ESCO1: variants seen among roughly 807,000 people sequenced by gnomAD.
ESCO1 encodes the protein establishment of sister chromatid cohesion N-acetyltransferase 1, also known as N-acetyltransferase ESCO1.
ESCO1 carries 33 observed loss-of-function variants against 83.5 expected under a neutral mutation model. The ratio of observed to expected loss-of-function variants is 0.40; its 90% CI spans 0.30 to 0.53. The LOEUF is 0.53. Ranked by LOEUF, ESCO1 falls within the 20% of genes least tolerant of loss-of-function variation. ESCO1 has a pLI of 0.63. For missense variants in ESCO1, 855 were observed against 968.0 expected (o/e 0.88, Z 1.55); for synonymous variants, 332 against 324.3 (o/e 1.02, Z -0.25).
intron 6 of ESCO1, 97 bp from the exon 7 acceptor site, chr18:21,564,414 G>C (rs748915800): frequency 1.1e-5 from 9 of 827,070 alleles, no homozygotes; most frequent in Non-Finnish European, 1.4e-5. Context: ...TTTTTGAGAC[G>C]AAGTCTCACT....
At chr18:21,532,447 G>T in intron 11 of ESCO1, 26 bp downstream of exon 11, 2 of 1,589,998 alleles carry the variant, frequency 1.3e-6, no homozygotes, top group Non-Finnish European at 1.7e-6. Context: ...TACTAAAAAT[G>T]ATTTGAAGGA....
intron 8 of ESCO1, among the ~76,000 whole-genome samples, chr18:21,559,204 C>T (rs1285586018): frequency 6.6e-6 from 1 of 152,108 alleles, no homozygotes; most frequent in Non-Finnish European, 1.5e-5. Context: ...CAAAGAATGG[C>T]CAACTGCTAA....
intron 7 of ESCO1, among the ~76,000 whole-genome samples, chr18:21,561,441 G>C (rs546853872): frequency 6.6e-6 from 1 of 152,134 alleles, no homozygotes; most frequent in African/African-American, 2.4e-5. Context: ...GTTTGTTTTT[G>C]TTTTGAGACA....
At chr18:21,592,872 G>A (rs575424206) in intron 1 of ESCO1, among the ~76,000 whole-genome samples, 1 of 151,954 alleles carries the variant, frequency 6.6e-6, no homozygotes, top group East Asian at 2.0e-4. Flanking sequence ...TCCCTTCTCA[G>A]ATGGGGCGGC....
At chr18:21,589,221 A>G (rs1036360171) in intron 1 of ESCO1, among the ~76,000 whole-genome samples, 7 of 151,830 alleles carry the variant, frequency 4.6e-5, no homozygotes, top group African/African-American at 1.7e-4. Flanking sequence ...CCTGGGCAAC[A>G]GAGCAAGACT....
chr18:21,595,441 G>A (rs868517916), intron 1 of ESCO1, among the ~76,000 whole-genome samples: 5 of 151,674 alleles, frequency 3.3e-5, no homozygotes, highest in Non-Finnish European at 5.9e-5. Flanking sequence ...AGGCCGAGGC[G>A]GGTGGATCAC....
At chr18:21,571,035 T>G (rs959900757) in intron 4 of ESCO1, among the ~76,000 whole-genome samples, 1 of 152,162 alleles carries the variant, frequency 6.6e-6, no homozygotes, top group Non-Finnish European at 1.5e-5. Flanking sequence ...TTTGTAACTT[T>G]AAAGGATTTT....
intron 8 of ESCO1, among the ~76,000 whole-genome samples, chr18:21,558,304 T>C (rs2038138359): frequency 6.6e-6 from 1 of 152,236 alleles, no homozygotes; most frequent in African/African-American, 2.4e-5. Context: ...TACTGTATTT[T>C]CTACCTTTTA....
chr18:21,600,135 G>A (rs2038821657), intron 1 of ESCO1, among the ~76,000 whole-genome samples: 1 of 152,240 alleles, frequency 6.6e-6, no homozygotes, highest in Non-Finnish European at 1.5e-5. Flanking sequence ...CCGGGTCAGC[G>A]GGTTGCGCCA....
chr18:21,572,277 G>T (rs1230486630), intron 4 of ESCO1, among the ~76,000 whole-genome samples: 2 of 152,082 alleles, frequency 1.3e-5, no homozygotes, highest in African/African-American at 4.8e-5. Flanking sequence ...AAATCAGTTT[G>T]ATCTATGTTA....
intron 10 of ESCO1, among the ~76,000 whole-genome samples, chr18:21,533,424 T>A (rs562423738): frequency 2.0e-5 from 3 of 152,116 alleles, no homozygotes; most frequent in African/African-American, 7.2e-5. Context: ...GCCTCCCAAG[T>A]AGCTGAGATT....
intron 11 of ESCO1, among the ~76,000 whole-genome samples, chr18:21,531,650 C>A (rs2037768229): frequency 6.6e-6 from 1 of 151,924 alleles, no homozygotes; most frequent in African/African-American, 2.4e-5. Context: ...AAAACCCCAT[C>A]TCTACAAAAA....
intron 1 of ESCO1, among the ~76,000 whole-genome samples, chr18:21,592,487 TC>T (rs1763245240): frequency 7.7e-6 from 1 of 130,196 alleles, no homozygotes. Flanking sequence ...GCTCCTCACT[TC>T]CCAGTAGGGG....
chr18:21,574,216 G>A lies in ESCO1; in HGVS notation c.628C>T (p.His210Tyr). The A allele has an allele frequency of 6.2e-7, 1 of 1,613,814 alleles. No individual in the cohort carries two copies. Among genetic ancestry groups the A allele is most frequent in the South Asian group, 1.1e-5 (1 of 91,062 alleles). Residue 210 changes from histidine (H) to tyrosine (Y), a missense_variant, in exon 4 of 12, where the codon CAT (histidine) becomes TAT (tyrosine). By Grantham distance (83) the His-to-Tyr change is moderately conservative. Around this residue, in one of 2 missense-constraint regions of ESCO1, gnomAD observed 726 missense variants for 699.5 expected, o/e 1.04. Transcript: ENST00000269214. Reference sequence around the variant, plus strand: ...GAACTACAAGCACAAGCTGTCTGATGTTCTACCTTGCGTTTTTTCCCTTTG... The same window carrying A: ...GAACTACAAGCACAAGCTGTCTGATATTCTACCTTGCGTTTTTTCCCTTTG... ...SPKGKKRKVE[H>Y]QTACACSSQC...
In ESCO1 at chr18:21,575,789, AG is replaced by A. The variant is rs572677157; in HGVS notation, c.-693-13del. ...ACATCACACAGCACCTGAAAGAAAAAGGGTTTTTTTTAATGTTCAAAAGGAC... is the reference window on the plus strand; with the variant it reads ...ACATCACACAGCACCTGAAAGAAAAAGGTTTTTTTTAATGTTCAAAAGGAC... On this transcript the variant is annotated splice_polypyrimidine_tract_variant and intron_variant, in intron 2 of 11. Transcript: ENST00000269214. 2.4e-4 allele frequency: 97 copies of A among 398,030 alleles called. 1 individual carries two copies. Among genetic ancestry groups the A allele is most frequent in the African/African-American group, 1.8e-3 (86 of 48,740 alleles). 24.7% of individuals were successfully genotyped at this position (398,030 alleles called of 1,614,324 possible).
rs2038387692 is a variant in ESCO1 at position 21,574,321 on chromosome 18, CAT to C, written c.521_522del (p.His174ArgfsTer11). ...QSKSNKTSQK[H>X]VKRKVLEVKS... Reference sequence around the variant, plus strand: ...TTTACTTCCAGTACTTTTCTCTTCACATGTTTTTGACTTGTTTTATTAGATTT... The same window carrying C: ...TTTACTTCCAGTACTTTTCTCTTCACGTTTTTGACTTGTTTTATTAGATTT... On this transcript the variant is annotated frameshift_variant, in exon 4 of 12. Transcript: ENST00000269214. LOFTEE classifies it high-confidence loss of function. The C allele has an allele frequency of 2.5e-6, 4 of 1,613,642 alleles. No individual in the cohort carries two copies. The highest frequency in any genetic ancestry group is 2.5e-6 in the Non-Finnish European group (3 of 1,180,002).
chr18:21,555,107 C>A (rs2038096495), intron 8 of ESCO1, among the ~76,000 whole-genome samples: 1 of 151,796 alleles, frequency 6.6e-6, no homozygotes, highest in Admixed American at 6.6e-5. Context: ...AACTAACTAA[C>A]TAAATAAAGA....
intron 1 of ESCO1, among the ~76,000 whole-genome samples, chr18:21,590,555 T>C (rs150401902): frequency 1.3e-5 from 2 of 152,306 alleles, no homozygotes; most frequent in African/African-American, 4.8e-5. Context: ...GCTTCCTATA[T>C]TCAATCTCTT....
chr18:21,546,359 T>C (rs2037973383), intron 8 of ESCO1, among the ~76,000 whole-genome samples: 1 of 151,922 alleles, frequency 6.6e-6, no homozygotes, highest in Admixed American at 6.6e-5. Flanking sequence ...ACCAGCCTGT[T>C]AGAGCAGCAT....
Sources: allele counts gnomAD v4.1 joint callset (sites outside exome capture counted in the v4.1 genomes callset), GRCh38; gene constraint gnomAD v4.1.1; regional missense constraint gnomAD v4.1.1; transcripts MANE v1.5; gene names NCBI Gene and HGNC (gene_info 2026-07-23, HGNC 2026-07-21).